Variants in ZNF383 observed in about 807,000 individuals in gnomAD.
ZNF383 encodes the protein zinc finger protein 383.
Under a neutral mutation model 44.2 loss-of-function variants are expected in ZNF383, and 32 were observed. That is an observed-to-expected ratio of 0.72 (90% CI 0.55 to 0.97). The LOEUF is 0.97. ZNF383 is among the 50% of genes least tolerant of loss of function. The pLI, the probability that ZNF383 is intolerant of heterozygous loss-of-function variation, is 0.00. For missense variants in ZNF383, 487 were observed against 562.5 expected (o/e 0.87, Z 1.36); for synonymous variants, 155 against 186.2 (o/e 0.83, Z 1.36).
At chr19:37,222,763 A>G (rs577326267) in intron 1 of ZNF383, among the ~76,000 whole-genome samples, 1 of 152,316 alleles carries the variant, frequency 6.6e-6, no homozygotes, top group Non-Finnish European at 1.5e-5. Context: ...GCTGCCGGGA[A>G]CATTCTTTTA....
At chr19:37,219,820 G>C (rs545641562) in intron 1 of ZNF383, 3 of 152,280 alleles carry the variant, frequency 2.0e-5, no homozygotes, top group Admixed American at 1.3e-4. Context: ...CAAGTGACCT[G>C]GTTCTTACAA....
chr19:37,236,753 AGAGGT>A (rs1001992715), intron 5 of ZNF383, among the ~76,000 whole-genome samples: 6 of 151,772 alleles, frequency 4.0e-5, no homozygotes, highest in African/African-American at 1.5e-4. Context: ...TATTTTTAGT[AGAGGT>A]GGGGTTTCAC....
chr19:37,228,536 C>T (rs774794853), intron 2 of ZNF383, among the ~76,000 whole-genome samples: 8 of 151,874 alleles, frequency 5.3e-5, no homozygotes, highest in Non-Finnish European at 7.4e-5. Context: ...GGTGGCTTGC[C>T]GCCCAGAGTA....
chr19:37,232,073 G>GA lies in ZNF383; in HGVS notation c.9+1611_9+1612insA, dbSNP rs201987008. Among the ~76,000 whole-genome samples, 984 of 150,642 alleles carry GA rather than the reference G, an allele frequency of 6.5e-3. 7 individuals are homozygous for GA. Among genetic ancestry groups the GA allele is most frequent in the Middle Eastern group, 0.014 (4 of 286 alleles). On this transcript the variant is annotated intron_variant, in intron 3 of 5. Transcript: ENST00000684119. The stretch of plus-strand genomic sequence containing the variant: ...ACATTTTCCTTTTTTCCTCAAAAAG[G>GA]TTTTTTTGTTTTTTTTTTTTGAGAC...
At chr19:37,220,100 A>G (rs967241902) in intron 1 of ZNF383, among the ~76,000 whole-genome samples, 4 of 152,112 alleles carry the variant, frequency 2.6e-5, no homozygotes, top group African/African-American at 9.7e-5. Flanking sequence ...ATTTTGATCT[A>G]TTTCCTTCTA....
At chr19:37,235,403 C>G in intron 3 of ZNF383, 146 bp from the exon 4 acceptor site, 1 of 772,402 alleles carries the variant, frequency 1.3e-6, no homozygotes, top group Non-Finnish European at 2.1e-6. Context: ...ACTTCCTACT[C>G]TTGCATCTAT....
chr19:37,222,197 G>A (rs942668594), intron 1 of ZNF383, among the ~76,000 whole-genome samples: 5 of 151,602 alleles, frequency 3.3e-5, no homozygotes, highest in African/African-American at 9.7e-5. Context: ...TTCACTTGGA[G>A]ATGATGCTTG....
chr19:37,236,613 C>T (rs566641791), intron 5 of ZNF383, among the ~76,000 whole-genome samples: 1 of 150,732 alleles, frequency 6.6e-6, no homozygotes, highest in African/African-American at 2.5e-5. Flanking sequence ...CTCCGTCGCT[C>T]AGGCTGGAGT....
intron 5 of ZNF383, 115 bp downstream of exon 5, chr19:37,236,189 C>T: frequency 1.5e-6 from 1 of 682,510 alleles, no homozygotes; most frequent in East Asian, 2.8e-5. Flanking sequence ...AGAAACTAGG[C>T]CAGTGGAGAA....
chr19:37,236,954 AACACACACACACACACACACACACAC>A (rs35036376), intron 5 of ZNF383, among the ~76,000 whole-genome samples: 1 of 146,758 alleles, frequency 6.8e-6, no homozygotes, highest in South Asian at 2.2e-4. Flanking sequence ...CACACATGTG[AACACACACACACACACACACACACAC>A]ACACACACAC....
At chr19:37,220,198 T>C (rs908707805) in intron 1 of ZNF383, among the ~76,000 whole-genome samples, 5 of 152,234 alleles carry the variant, frequency 3.3e-5, no homozygotes, top group Admixed American at 2.0e-4. Context: ...CACTAAAAAT[T>C]ATGTATGGTT....
At chr19:37,241,939 T>A (rs1485532870) in intron 5 of ZNF383, among the ~76,000 whole-genome samples, 1 of 147,102 alleles carries the variant, frequency 6.8e-6, no homozygotes, top group East Asian at 2.0e-4. Context: ...TATATGTATA[T>A]CATATATATC....
Position 37,243,122 on chromosome 19 carries a change from C to A in ZNF383, c.886C>A (p.Gln296Lys). The change falls in exon 6 of 6, where the codon CAA (glutamine) becomes AAA (lysine). Residue 296 changes from glutamine to lysine, a missense_variant. Physicochemically the swap from Gln to Lys is moderately conservative, Grantham distance 53. Coordinates refer to ENST00000684119, the MANE Select transcript of ZNF383 (RefSeq NM_001387601.1). ...TGGGAAAGCCTTTACTAAGAGCTCACAACTTTTTCAGCATGCACGAATTCA... is the reference window on the plus strand; with the variant it reads ...TGGGAAAGCCTTTACTAAGAGCTCAAAACTTTTTCAGCATGCACGAATTCA... ...VCGKAFTKSS[Q>K]LFQHARIHTG... 6 of 1,613,962 alleles carry A rather than the reference C, an allele frequency of 3.7e-6. No homozygotes were observed. The highest frequency in any genetic ancestry group is 5.1e-6 in the Non-Finnish European group (6 of 1,179,972).
In ZNF383 at chr19:37,225,899, C is replaced by T. The variant is rs143557615; in HGVS notation, c.-46+960C>T. On this transcript the variant is annotated intron_variant, in intron 2 of 5. Coordinates refer to ENST00000684119, the MANE Select transcript of ZNF383 (RefSeq NM_001387601.1). ...CCGCCTCCTGGGTTCAAGCGATTCC[C>T]CTGTCTCAGCCTCCCAAGTAGCTGG... 6.8e-3 allele frequency among the ~76,000 whole-genome samples: 1,029 copies of T among 151,768 alleles called. 17 individuals carry two copies. The highest frequency in any genetic ancestry group is 0.024 in the African/African-American group (987 of 41,368).
At chr19:37,226,944 G>A (rs1041829453) in intron 2 of ZNF383, among the ~76,000 whole-genome samples, 9 of 151,452 alleles carry the variant, frequency 5.9e-5, no homozygotes, top group Non-Finnish European at 1.2e-4. Flanking sequence ...AAGTAGCTGC[G>A]ACTACAGGCG....
intron 5 of ZNF383, among the ~76,000 whole-genome samples, chr19:37,238,328 T>TA (rs34327851): frequency 0.19 from 27,899 of 149,572 alleles, 2,768 homozygotes; most frequent in South Asian, 0.31. Context: ...ATATATCACT[T>TA]ACATTTATCT....
At chr19:37,226,760 G>A (rs1389527797) in intron 2 of ZNF383, 2 of 152,094 alleles carry the variant, frequency 1.3e-5, no homozygotes, top group Non-Finnish European at 2.9e-5. Flanking sequence ...TTTGCATGGT[G>A]AAATCTGCAG....
chr19:37,231,250 G>A (rs1973470827), intron 3 of ZNF383, among the ~76,000 whole-genome samples: 1 of 152,196 alleles, frequency 6.6e-6, no homozygotes, highest in South Asian at 2.1e-4. Context: ...AACGCCAGGT[G>A]CAGTGGCTCA....
At position 37,243,161 on chromosome 19, in the gene ZNF383, C is replaced by T. The variant is rs1974220025; in HGVS notation, c.925C>T (p.Pro309Ser). ...TGCACGAATTCATACAGGTGAGAAACCCTATGAATGTAAGGAATGTGGCAA... is the reference window on the plus strand; with the variant it reads ...TGCACGAATTCATACAGGTGAGAAATCCTATGAATGTAAGGAATGTGGCAA... ...QHARIHTGEK[P>S]YECKECGKAF... Residue 309 changes from proline (P) to serine (S), a missense_variant, in exon 6 of 6, where the codon CCC (proline) becomes TCC (serine). Coordinates refer to ENST00000684119, the MANE Select transcript of ZNF383 (RefSeq NM_001387601.1). 1 of 1,614,154 alleles carries T rather than the reference C, an allele frequency of 6.2e-7. No individual in the cohort carries two copies. The highest frequency in any genetic ancestry group is 8.5e-7 in the Non-Finnish European group (1 of 1,180,020).
Sources: gnomAD v4.1 joint callset for allele counts (sites outside exome capture counted in the v4.1 genomes callset) on GRCh38, gnomAD v4.1.1 for gene constraint, MANE v1.5 for transcripts, NCBI Gene and HGNC (gene_info 2026-07-23, HGNC 2026-07-21) for gene names.